Variants in PEBP4 observed in about 807,000 individuals in gnomAD.
PEBP4 encodes phosphatidylethanolamine-binding protein 4.
In PEBP4, 22 loss-of-function variants were observed where a neutral mutation model predicts 23.9. That is an observed-to-expected ratio of 0.92 (90% confidence interval 0.66 to 1.31). The LOEUF (loss-of-function observed/expected upper bound fraction) is 1.31. Ranked by LOEUF, PEBP4 falls within the 40% of genes most tolerant of loss-of-function variation. The pLI is 0.00. For missense variants in PEBP4, 324 were observed against 281.7 expected (o/e 1.15, Z -1.07); for synonymous variants, 112 against 99.3 (o/e 1.13, Z -0.76).
intron 4 of PEBP4, among the ~76,000 whole-genome samples, chr8:22,803,730 C>T (rs1327674143): frequency 1.3e-5 from 2 of 151,988 alleles, no homozygotes; most frequent in Non-Finnish European, 2.9e-5. Flanking sequence ...TAAGACAGAG[C>T]TTGAGACTCC....
At chr8:22,785,394 A>G (rs1052202547) in intron 4 of PEBP4, among the ~76,000 whole-genome samples, 8 of 152,194 alleles carry the variant, frequency 5.3e-5, no homozygotes, top group Middle Eastern at 6.8e-3. Context: ...CCGAGTGCCC[A>G]GGACAGAACC....
intron 3 of PEBP4, among the ~76,000 whole-genome samples, chr8:22,823,789 T>C (rs77044376): frequency 0.03 from 4,612 of 151,994 alleles, 75 homozygotes; most frequent in South Asian, 0.048. Context: ...ACTCTTTAAA[T>C]CCATAAAAAA....
At chr8:22,727,249 G>T (rs1804637800) in intron 4 of PEBP4, 29 bp from the exon 5 acceptor site, 1 of 1,611,234 alleles carries the variant, frequency 6.2e-7, no homozygotes, top group Admixed American at 1.7e-5. Flanking sequence ...AGGGCTGTAG[G>T]TTATGTCTTG....
intron 4 of PEBP4, among the ~76,000 whole-genome samples, chr8:22,755,326 CTTTTTT>C (rs547269095): frequency 1.7e-5 from 2 of 114,614 alleles, no homozygotes; most frequent in Admixed American, 9.3e-5. Flanking sequence ...TTCTCTCCCT[CTTTTTT>C]TTTTTTTTTT....
chr8:22,852,646 G>C (rs1025103293), intron 3 of PEBP4, among the ~76,000 whole-genome samples: 2 of 151,750 alleles, frequency 1.3e-5, no homozygotes, highest in Non-Finnish European at 2.9e-5. Flanking sequence ...ATGAATTATA[G>C]TTCCTGGCCG....
At chr8:22,878,869 G>A (rs533814030) in intron 3 of PEBP4, among the ~76,000 whole-genome samples, 18 of 152,318 alleles carry the variant, frequency 1.2e-4, no homozygotes, top group African/African-American at 4.1e-4. Flanking sequence ...AGACCCTGGA[G>A]GCTGGAAGAG....
chr8:22,793,781 C>G (rs1806188947), intron 4 of PEBP4, among the ~76,000 whole-genome samples: 1 of 152,074 alleles, frequency 6.6e-6, no homozygotes. Flanking sequence ...AGGTATCATT[C>G]TTTATATAAA....
intron 4 of PEBP4, among the ~76,000 whole-genome samples, chr8:22,791,133 C>T (rs1356529178): frequency 2.6e-5 from 4 of 152,088 alleles, no homozygotes; most frequent in Non-Finnish European, 5.9e-5. Flanking sequence ...CAACCAACCT[C>T]CCCACCCCAG....
At chr8:22,902,014 T>C (rs1808721787) in intron 3 of PEBP4, among the ~76,000 whole-genome samples, 1 of 152,216 alleles carries the variant, frequency 6.6e-6, no homozygotes, top group South Asian at 2.1e-4. Flanking sequence ...CCATTTTTAA[T>C]TTTAAAAACC....
intron 3 of PEBP4, among the ~76,000 whole-genome samples, chr8:22,843,971 A>G (rs1243851798): frequency 6.6e-6 from 1 of 152,168 alleles, no homozygotes; most frequent in Non-Finnish European, 1.5e-5. Context: ...GTCAACTCAA[A>G]TCCTCCTTAG....
At chr8:22,719,539 G>A (rs1340509390) in intron 6 of PEBP4, among the ~76,000 whole-genome samples, 2 of 152,230 alleles carry the variant, frequency 1.3e-5, no homozygotes, top group Admixed American at 6.5e-5. Context: ...ACAGCAGGAT[G>A]CAACTGTGCT....
chr8:22,839,767 G>T (rs535308274), intron 3 of PEBP4, among the ~76,000 whole-genome samples: 16 of 152,228 alleles, frequency 1.1e-4, no homozygotes, highest in African/African-American at 3.6e-4. Context: ...GATTTGTTCC[G>T]GTTCCTTCCC....
At chr8:22,906,685 C>T (rs749192489) in intron 3 of PEBP4, among the ~76,000 whole-genome samples, 2 of 152,200 alleles carry the variant, frequency 1.3e-5, no homozygotes, top group Non-Finnish European at 2.9e-5. Context: ...TTGGCATTGA[C>T]AGGTTGACAT....
intron 4 of PEBP4, among the ~76,000 whole-genome samples, chr8:22,739,911 G>A (rs1014020516): frequency 6.6e-6 from 1 of 152,204 alleles, no homozygotes; most frequent in African/African-American, 2.4e-5. Context: ...GGGATGGAGG[G>A]GGAGGGGGTG....
At chr8:22,734,673 C>T (rs895402470) in intron 4 of PEBP4, among the ~76,000 whole-genome samples, 3 of 152,086 alleles carry the variant, frequency 2.0e-5, no homozygotes, top group Non-Finnish European at 2.9e-5. Flanking sequence ...TCTGGATCTC[C>T]GGCTGCCAAA....
chr8:22,924,587 G>T, intron 2 of PEBP4: 1 of 891,530 alleles, frequency 1.1e-6, no homozygotes, highest in South Asian at 5.2e-5. Context: ...AAGAAGAGCA[G>T]CAGGGCCTCG....
At chr8:22,859,818 T>C (rs1046509771) in intron 3 of PEBP4, among the ~76,000 whole-genome samples, 1 of 152,108 alleles carries the variant, frequency 6.6e-6, no homozygotes, top group Non-Finnish European at 1.5e-5. Flanking sequence ...CTCTCTATCT[T>C]GCCTTACATC....
chr8:22,812,911 C>T (rs909239666), intron 4 of PEBP4, among the ~76,000 whole-genome samples: 3 of 152,032 alleles, frequency 2.0e-5, no homozygotes, highest in East Asian at 1.9e-4. Flanking sequence ...TTGTCTCCAC[C>T]CTGAAGAGTG....
intron 4 of PEBP4, among the ~76,000 whole-genome samples, chr8:22,806,094 C>T (rs1165422412): frequency 6.6e-6 from 1 of 152,176 alleles, no homozygotes; most frequent in African/African-American, 2.4e-5. Context: ...TCCTCTTGAT[C>T]TTTTCCCCTC....
Sources: gnomAD v4.1 joint callset for allele counts (sites outside exome capture counted in the v4.1 genomes callset) on GRCh38, gnomAD v4.1.1 for gene constraint, MANE v1.5 for transcripts, NCBI Gene and HGNC (gene_info 2026-07-23, HGNC 2026-07-21) for gene names.